SGMS1: variants seen among roughly 807,000 people sequenced by gnomAD.
SGMS1 encodes phosphatidylcholine:ceramide cholinephosphotransferase 1.
Under a neutral mutation model 46.2 loss-of-function variants are expected in SGMS1, and 13 were observed. The ratio of observed to expected loss-of-function variants is 0.28; its 90% CI spans 0.18 to 0.45. The LOEUF (loss-of-function observed/expected upper bound fraction) is 0.45, where lower values mean the gene tolerates loss of function less well. Among genes scored for constraint, SGMS1 ranks in the 20% least tolerant of loss-of-function variants. The probability of loss-of-function intolerance (pLI) is 1.00; values close to 1 mark genes in which losing one functional copy is unlikely to be tolerated. For synonymous variants in SGMS1, 203 were observed against 187.8 expected (o/e 1.08, Z -0.66); for missense variants, 324 against 519.9 (o/e 0.62, Z 3.66).
chr10:50,426,962 C>A (rs1035835034), intron 6 of SGMS1, among the ~76,000 whole-genome samples: 10 of 152,126 alleles, frequency 6.6e-5, no homozygotes, highest in Non-Finnish European at 1.0e-4. Context: ...CCATTTCATA[C>A]ATCATAGAAA....
At chr10:50,525,164 C>T (rs140901035) in intron 2 of SGMS1, among the ~76,000 whole-genome samples, 140 of 152,260 alleles carry the variant, frequency 9.2e-4, no homozygotes, top group Non-Finnish European at 1.6e-3. Context: ...TAAATCAATT[C>T]CATCCTCAAG....
chr10:50,475,251 T>C (rs1837410237), intron 3 of SGMS1, among the ~76,000 whole-genome samples: 1 of 152,240 alleles, frequency 6.6e-6, no homozygotes, highest in South Asian at 2.1e-4. Context: ...TTTATTGCTC[T>C]ATGGATATTA....
At chr10:50,372,840 T>C (rs1353177002) in intron 6 of SGMS1, among the ~76,000 whole-genome samples, 2 of 152,072 alleles carry the variant, frequency 1.3e-5, no homozygotes, top group African/African-American at 2.4e-5. Context: ...TTCTTAAATA[T>C]ATAAAGGGAA....
intron 2 of SGMS1, among the ~76,000 whole-genome samples, chr10:50,547,774 A>G (rs542313503): frequency 4.3e-4 from 66 of 152,330 alleles, no homozygotes; most frequent in Non-Finnish European, 8.4e-4. Flanking sequence ...CTTGATGAAC[A>G]TTGATGCAAA....
chr10:50,596,066 G>A (rs1381810377), intron 1 of SGMS1, among the ~76,000 whole-genome samples: 1 of 152,144 alleles, frequency 6.6e-6, no homozygotes. Context: ...AATCTAGCAG[G>A]AAATAGCAGG....
intron 2 of SGMS1, among the ~76,000 whole-genome samples, chr10:50,587,518 A>C (rs1379179194): frequency 6.6e-6 from 1 of 152,136 alleles, no homozygotes; most frequent in African/African-American, 2.4e-5. Context: ...CTGTAATCCC[A>C]GCTACTCGGG....
At chr10:50,461,912 T>A (rs1837270324) in intron 4 of SGMS1, among the ~76,000 whole-genome samples, 1 of 152,094 alleles carries the variant, frequency 6.6e-6, no homozygotes, top group Admixed American at 6.5e-5. Context: ...CTGTAAATAA[T>A]CAAACATAGG....
At chr10:50,496,623 A>C (rs1569963) in intron 3 of SGMS1, among the ~76,000 whole-genome samples, 92,034 of 152,008 alleles carry the variant, frequency 0.61, 28,132 homozygotes, top group African/African-American at 0.7. Context: ...AGAGCTGCCT[A>C]ATGGCTCCCA....
chr10:50,398,271 G>C (rs1382703335), intron 6 of SGMS1, among the ~76,000 whole-genome samples: 1 of 152,128 alleles, frequency 6.6e-6, no homozygotes, highest in East Asian at 1.9e-4. Flanking sequence ...TAAATGCAGG[G>C]AGTAGACATC....
intron 6 of SGMS1, among the ~76,000 whole-genome samples, chr10:50,431,911 G>T (rs893709024): frequency 1.3e-5 from 2 of 152,062 alleles, no homozygotes; most frequent in African/African-American, 4.8e-5. Context: ...CGATGCCAGG[G>T]GTCAGTTATG....
chr10:50,533,472 C>T (rs951471759), intron 2 of SGMS1, among the ~76,000 whole-genome samples: 1 of 152,130 alleles, frequency 6.6e-6, no homozygotes, highest in Non-Finnish European at 1.5e-5. Context: ...CAGCTTGAAA[C>T]TCTGAAAGAT....
At chr10:50,430,054 A>G (rs913678905) in intron 6 of SGMS1, among the ~76,000 whole-genome samples, 1 of 152,030 alleles carries the variant, frequency 6.6e-6, no homozygotes, top group African/African-American at 2.4e-5. Context: ...GCCTTTTCCC[A>G]AAACATGATC....
intron 6 of SGMS1, among the ~76,000 whole-genome samples, chr10:50,400,408 T>TGC (rs1848916812): frequency 1.1e-4 from 1 of 8,908 alleles, no homozygotes; most frequent in African/African-American, 4.2e-4. Flanking sequence ...TATATATATA[T>TGC]ATATATATAT....
intron 6 of SGMS1, among the ~76,000 whole-genome samples, chr10:50,411,072 A>T (rs929178347): frequency 6.6e-6 from 1 of 152,204 alleles, no homozygotes; most frequent in African/African-American, 2.4e-5. Flanking sequence ...ACATACTATT[A>T]CCTGAGGGCC....
intron 3 of SGMS1, among the ~76,000 whole-genome samples, chr10:50,470,511 C>T (rs988811423): frequency 1.3e-5 from 2 of 151,874 alleles, no homozygotes; most frequent in Non-Finnish European, 2.9e-5. Flanking sequence ...GGCATGGTCT[C>T]TAGCTTTGGT....
chr10:50,366,807 G>T (rs1012736944), intron 6 of SGMS1, among the ~76,000 whole-genome samples: 3 of 152,116 alleles, frequency 2.0e-5, no homozygotes, highest in Admixed American at 2.0e-4. Context: ...GTTGGAGGGT[G>T]GGGGGCTAGG....
At chr10:50,390,074 T>C (rs531383040) in intron 6 of SGMS1, among the ~76,000 whole-genome samples, 2 of 152,352 alleles carry the variant, frequency 1.3e-5, no homozygotes, top group South Asian at 4.1e-4. Context: ...AGCAACTTCA[T>C]ATTTGAAATT....
chr10:50,401,220 G>C (rs1469300715), intron 6 of SGMS1, among the ~76,000 whole-genome samples: 1 of 152,126 alleles, frequency 6.6e-6, no homozygotes, highest in East Asian at 1.9e-4. Flanking sequence ...ACCTTATACT[G>C]TAATTATTTT....
chr10:50,563,742 C>CAAA (rs60882939), intron 2 of SGMS1, among the ~76,000 whole-genome samples: 74 of 65,662 alleles, frequency 1.1e-3, no homozygotes, highest in Non-Finnish European at 1.3e-3. Context: ...GACTCCGTCT[C>CAAA]AAAAAAAAAA....
Sources: allele counts gnomAD v4.1 joint callset (sites outside exome capture counted in the v4.1 genomes callset), GRCh38; gene constraint gnomAD v4.1.1; transcripts MANE v1.5; gene names NCBI Gene and HGNC (gene_info 2026-07-23, HGNC 2026-07-21).